Variants in RXRA observed in about 807,000 individuals in gnomAD.
RXRA encodes the protein retinoid X receptor alpha.
In RXRA, 5 loss-of-function variants were observed where a neutral mutation model predicts 44.5. The ratio of observed to expected loss-of-function variants is 0.11; its 90% CI spans 0.06 to 0.24. RXRA has a LOEUF of 0.24. Ranked by LOEUF, RXRA falls within the 10% of genes least tolerant of loss-of-function variation. The pLI is 1.00. For missense variants in RXRA, 412 were observed against 646.5 expected (o/e 0.64, Z 3.93); for synonymous variants, 291 against 271.4 (o/e 1.07, Z -0.71).
intron 1 of RXRA, among the ~76,000 whole-genome samples, chr9:134,355,400 CTGGTCTCCGAAAAGCTGGGAG>C (rs1554749973): frequency 1.3e-5 from 2 of 152,214 alleles, no homozygotes; most frequent in African/African-American, 4.8e-5. Flanking sequence ...TCCTGATATG[CTGGTCTCCGAAAAGCTGGGAG>C]GGTGAACAGA....
At chr9:134,423,360 G>C in intron 6 of RXRA, 1 of 985,462 alleles carries the variant, frequency 1.0e-6, no homozygotes, top group Non-Finnish European at 1.2e-6. Context: ...CGCACTGTGG[G>C]CTCCGCCGCC....
intron 1 of RXRA, among the ~76,000 whole-genome samples, chr9:134,357,130 C>T (rs1830293133): frequency 6.6e-6 from 1 of 152,274 alleles, no homozygotes; most frequent in African/African-American, 2.4e-5. Flanking sequence ...TCTCCGCAGC[C>T]TGTTGCAATT....
At chr9:134,334,489 C>T (rs1554747056) in intron 1 of RXRA, among the ~76,000 whole-genome samples, 1 of 152,262 alleles carries the variant, frequency 6.6e-6, no homozygotes, top group Admixed American at 6.5e-5. Flanking sequence ...GGGCATTGGG[C>T]AGCAGTGTCA....
intron 1 of RXRA, among the ~76,000 whole-genome samples, chr9:134,393,970 A>C (rs1335349654): frequency 6.6e-6 from 1 of 151,942 alleles, no homozygotes; most frequent in Non-Finnish European, 1.5e-5. Context: ...CAACTTGCTC[A>C]GTATGGCCAA....
chr9:134,411,274 C>T (rs1393692084), intron 4 of RXRA, among the ~76,000 whole-genome samples: 2 of 152,140 alleles, frequency 1.3e-5, no homozygotes, highest in Non-Finnish European at 1.5e-5. Context: ...CCCCCCAAAG[C>T]CTGGGGACGA....
At chr9:134,379,787 C>T (rs1440738207) in intron 1 of RXRA, 4 of 985,246 alleles carry the variant, frequency 4.1e-6, no homozygotes, top group Non-Finnish European at 4.8e-6. Flanking sequence ...CCCAGCTGCC[C>T]CTAAGGATGG....
intron 1 of RXRA, among the ~76,000 whole-genome samples, chr9:134,377,434 G>A (rs1271990640): frequency 1.3e-5 from 2 of 152,188 alleles, no homozygotes; most frequent in African/African-American, 4.8e-5. Context: ...CACAGTTGTG[G>A]GGCTGGGCCC....
intron 1 of RXRA, among the ~76,000 whole-genome samples, chr9:134,340,005 G>A (rs1224983088): frequency 6.6e-6 from 1 of 152,190 alleles, no homozygotes; most frequent in Non-Finnish European, 1.5e-5. Context: ...GCACATCTGT[G>A]TCCATGTCTG....
intron 1 of RXRA, among the ~76,000 whole-genome samples, chr9:134,400,310 G>T (rs7038978): frequency 0.27 from 40,304 of 152,080 alleles, 9,084 homozygotes; most frequent in African/African-American, 0.62. Flanking sequence ...CCTGGGGCTG[G>T]GGAGGGGTGG....
rs532297500 is a variant in RXRA, at chr9:134,408,354, A to G, written c.430+55A>G. On this transcript the variant is annotated intron_variant, in intron 3 of 9. Coordinates refer to ENST00000481739, the MANE Select transcript of RXRA (RefSeq NM_002957.6). The stretch of plus-strand genomic sequence containing the variant: ...TGGGACAGGGTTGTCAGGCCATTGC[A>G]GGGTCTGGAGGCCTCCCCAAATCAC... 2.8e-5 allele frequency: 42 copies of G among 1,510,498 alleles called. No individual in the cohort carries two copies. In the African/African-American group the frequency reaches 5.7e-4, roughly 21 times the overall value. The allele number at this position is 1,510,498 out of a possible 1,614,324, so 93.6% of individuals were successfully genotyped here.
At chr9:134,355,597 G>A (rs1226526280) in intron 1 of RXRA, among the ~76,000 whole-genome samples, 1 of 152,172 alleles carries the variant, frequency 6.6e-6, no homozygotes, top group Admixed American at 6.5e-5. Context: ...GAGTCCGGCA[G>A]GGAGGGGCAC....
rs142767938 is a variant in RXRA at position 134,373,378 on chromosome 9, C to G, written c.29-28254C>G. Among the ~76,000 whole-genome samples, 774 of 152,300 alleles carry G rather than the reference C, an allele frequency of 5.1e-3. 10 individuals are homozygous for G. The highest frequency in any genetic ancestry group is 0.018 in the African/African-American group (735 of 41,552). On this transcript the variant is annotated intron_variant, in intron 1 of 9. Coordinates refer to ENST00000481739, the MANE Select transcript of RXRA (RefSeq NM_002957.6). ...GTCTTTAACAGCTCTGTGCCTGCTG[C>G]TGTGTGCCGGGCCCTGCGCTCAGCC...
intron 1 of RXRA, among the ~76,000 whole-genome samples, chr9:134,371,362 C>T (rs561567083): frequency 2.0e-5 from 3 of 152,314 alleles, no homozygotes; most frequent in East Asian, 3.9e-4. Context: ...CTGTCTCTGG[C>T]CCCCCTGGTG....
At chr9:134,354,572 A>G (rs1210586013) in intron 1 of RXRA, among the ~76,000 whole-genome samples, 1 of 152,172 alleles carries the variant, frequency 6.6e-6, no homozygotes, top group Non-Finnish European at 1.5e-5. Flanking sequence ...TCAGATCGGC[A>G]GCCGTGGGGG....
chr9:134,377,171 C>G (rs1830568589), intron 1 of RXRA, among the ~76,000 whole-genome samples: 1 of 152,230 alleles, frequency 6.6e-6, no homozygotes, highest in South Asian at 2.1e-4. Context: ...TGACAGTACC[C>G]ATTCTCACCC....
intron 1 of RXRA, among the ~76,000 whole-genome samples, chr9:134,359,981 C>T (rs938999086): frequency 1.3e-5 from 2 of 152,176 alleles, no homozygotes; most frequent in African/African-American, 4.8e-5. Context: ...TCTGGAGCCG[C>T]GGGGGTCCCT....
intron 4 of RXRA, among the ~76,000 whole-genome samples, 200 bp downstream of exon 4, chr9:134,409,319 G>A (rs1195470570): frequency 6.6e-6 from 1 of 152,254 alleles, no homozygotes; most frequent in African/African-American, 2.4e-5. Context: ...TGGGTCCTGG[G>A]CGGCATGTTC....
intron 1 of RXRA, among the ~76,000 whole-genome samples, chr9:134,392,048 G>C (rs969593002): frequency 6.6e-6 from 1 of 152,254 alleles, no homozygotes; most frequent in East Asian, 1.9e-4. Flanking sequence ...CTGTGTGTTT[G>C]CAGGGGGCCG....
chr9:134,331,501 C>T (rs560786466), intron 1 of RXRA, among the ~76,000 whole-genome samples: 33 of 152,324 alleles, frequency 2.2e-4, no homozygotes, highest in Admixed American at 1.8e-3. Context: ...CTGGCGTGCC[C>T]GTGAGTGAGC....
Sources: gnomAD v4.1 joint callset for allele counts (sites outside exome capture counted in the v4.1 genomes callset) on GRCh38, gnomAD v4.1.1 for gene constraint, MANE v1.5 for transcripts, NCBI Gene and HGNC (gene_info 2026-07-23, HGNC 2026-07-21) for gene names.